Variants in TGFBI observed in about 807,000 individuals in gnomAD.
TGFBI encodes the protein transforming growth factor beta induced.
In TGFBI, 50 loss-of-function variants were observed where a neutral mutation model predicts 73.7. The ratio of observed to expected loss-of-function variants is 0.68; its 90% confidence interval spans 0.54 to 0.86. TGFBI has a LOEUF of 0.86. TGFBI is among the 40% of genes least tolerant of loss of function. The pLI is 0.00. For missense variants in TGFBI, 839 were observed against 877.0 expected (o/e 0.96, Z 0.55); for synonymous variants, 362 against 360.5 (o/e 1.00, Z -0.05).
At chr5:136,030,569 G>A (rs902614608) in intron 1 of TGFBI, among the ~76,000 whole-genome samples, 2 of 152,182 alleles carry the variant, frequency 1.3e-5, no homozygotes, top group African/African-American at 4.8e-5. Context: ...GGTCTTTCTG[G>A]AAGTGGGAGA....
rs75246520 is a variant in TGFBI, at chr5:136,047,012, T to A, written c.621T>A (p.Asn207Lys). Reference sequence around the variant, plus strand: ...ACATCCAGATCCACCACTATCCTAATGGGGTAGGGGATCCCCAGCCATACT... The same window carrying A: ...ACATCCAGATCCACCACTATCCTAAAGGGGTAGGGGATCCCCAGCCATACT... ...NSNIQIHHYPNGIVTVNCARL... is the reference protein window; with the variant it reads ...NSNIQIHHYPKGIVTVNCARL... Residue 207 changes from asparagine (N) to lysine (K), a missense_variant, in exon 5 of 17, where the codon AAT becomes AAA. Asn to Lys is a moderately conservative substitution (Grantham distance 94, BLOSUM62 0). Coordinates refer to ENST00000442011, the MANE Select transcript of TGFBI (RefSeq NM_000358.3). 6.2e-7 allele frequency: 1 copy of A among 1,611,408 alleles called. No individual in the cohort carries two copies. The highest frequency in any genetic ancestry group is 1.3e-5 in the African/African-American group (1 of 74,990).
intron 9 of TGFBI, among the ~76,000 whole-genome samples, chr5:136,054,421 G>C (rs1392656812): frequency 6.6e-6 from 1 of 152,200 alleles, no homozygotes; most frequent in Non-Finnish European, 1.5e-5. Context: ...CAAGAGGTCA[G>C]AGTGAGGGTA....
chr5:136,040,072 G>A (rs948934335), intron 2 of TGFBI, among the ~76,000 whole-genome samples: 2 of 152,152 alleles, frequency 1.3e-5, no homozygotes, highest in South Asian at 2.1e-4. Context: ...CAGAGCAGCC[G>A]GCCAAATCCG....
At chr5:136,057,877 A>C (rs948404667) in intron 12 of TGFBI, among the ~76,000 whole-genome samples, 1 of 152,158 alleles carries the variant, frequency 6.6e-6, no homozygotes, top group Non-Finnish European at 1.5e-5. Flanking sequence ...TTCTGAACAT[A>C]AACTTTTCAT....
Position 136,046,862 on chromosome 5 carries a change from C to A in TGFBI, c.471C>A (p.Asp157Glu), listed in dbSNP as rs558785543. ...GTCCTTCCTCCTAGGAAGTGCTGGA[C>A]TCCCTGGTCAGCAATGTCAACATTG... is the stretch of plus-strand genomic sequence containing the variant. ...AWASLPAEVL[D>E]SLVSNVNIEL... is the part of the protein sequence containing the mutation. Residue 157 changes from aspartate (D) to glutamate (E), a missense_variant, in exon 5 of 17, where the codon GAC becomes GAA. Asp to Glu is a conservative substitution (Grantham distance 45, BLOSUM62 2). Transcript: ENST00000442011. The A allele has an allele frequency of 1.9e-6, 3 of 1,613,338 alleles. No homozygotes were observed. Among genetic ancestry groups the A allele is most frequent in the Non-Finnish European group, 2.5e-6 (3 of 1,179,564 alleles).
At chr5:136,051,467 A>T (rs1341316593) in intron 7 of TGFBI, among the ~76,000 whole-genome samples, 1 of 152,098 alleles carries the variant, frequency 6.6e-6, no homozygotes, top group Non-Finnish European at 1.5e-5. Context: ...AAACAAAAAA[A>T]ACTCCTTATT....
At chr5:136,037,552 C>T (rs772472885) in intron 2 of TGFBI, among the ~76,000 whole-genome samples, 1 of 152,156 alleles carries the variant, frequency 6.6e-6, no homozygotes, top group African/African-American at 2.4e-5. Context: ...AGCAGGAGCT[C>T]AGACATCATA....
At chr5:136,029,952 T>C (rs1751087823) in intron 1 of TGFBI, among the ~76,000 whole-genome samples, 1 of 152,160 alleles carries the variant, frequency 6.6e-6, no homozygotes. Context: ...TTTGAGACCC[T>C]GAAGATGTGT....
chr5:136,058,970 C>G (rs906062595), intron 12 of TGFBI, 120 bp from the exon 13 acceptor site: 2 of 1,304,360 alleles, frequency 1.5e-6, no homozygotes, highest in African/African-American at 3.0e-5. Context: ...TGCTTATTCC[C>G]TGGGCAGGGA....
chr5:136,037,320 C>A (rs1324530959), intron 2 of TGFBI, among the ~76,000 whole-genome samples: 1 of 152,134 alleles, frequency 6.6e-6, no homozygotes, highest in African/African-American at 2.4e-5. Context: ...ACAAAGAGGG[C>A]TGTGGGGAGC....
intron 12 of TGFBI, among the ~76,000 whole-genome samples, chr5:136,058,524 C>A (rs781675107): frequency 6.6e-6 from 1 of 152,152 alleles, no homozygotes. Flanking sequence ...GAGGGAATAT[C>A]CCCCTCAGCC....
intron 9 of TGFBI, among the ~76,000 whole-genome samples, chr5:136,054,496 C>T (rs977476412): frequency 1.3e-5 from 2 of 152,200 alleles, no homozygotes; most frequent in Non-Finnish European, 2.9e-5. Context: ...CTGCCCTTCC[C>T]TCTTAGGGCA....
rs1407186477 is a variant in TGFBI at position 136,061,551 on chromosome 5, T to A, written c.1958T>A (p.Ile653Asn). ...GAACTTGCAGACTCTGCGCTTGAGA[T>A]CTTCAAACAAGCATCAGCGTTTTCC... ...GDELADSALE[I>N]FKQASAFSRA... Residue 653 changes from isoleucine (I) to asparagine (N), a missense_variant, in exon 15 of 17, where the codon ATC becomes AAC. Physicochemically the swap from Ile to Asn is moderately radical, Grantham distance 149. Transcript: ENST00000442011. The A allele has an allele frequency of 6.2e-7, 1 of 1,613,114 alleles. No homozygotes were observed. The highest frequency in any genetic ancestry group is 8.5e-7 in the Non-Finnish European group (1 of 1,179,624).
intron 1 of TGFBI, among the ~76,000 whole-genome samples, chr5:136,032,260 T>C (rs1329815134): frequency 1.3e-5 from 2 of 152,196 alleles, no homozygotes; most frequent in Non-Finnish European, 2.9e-5. Flanking sequence ...CTCTTGTCCC[T>C]AGATCCTTAC....
intron 2 of TGFBI, among the ~76,000 whole-genome samples, chr5:136,034,611 C>T (rs927885477): frequency 4.6e-5 from 7 of 151,722 alleles, no homozygotes; most frequent in Non-Finnish European, 1.0e-4. Flanking sequence ...GGGTGTGGAC[C>T]AGTGTGGTTA....
intron 11 of TGFBI, 45 bp downstream of exon 11, chr5:136,055,861 G>A (rs749057047): frequency 6.4e-7 from 1 of 1,552,152 alleles, no homozygotes; most frequent in Non-Finnish European, 8.8e-7. Context: ...CAGTGGTCAT[G>A]CTGGAGTGGG....
chr5:136,061,714 T>G, intron 15 of TGFBI, 135 bp downstream of exon 15: 1 of 737,458 alleles, frequency 1.4e-6, no homozygotes, highest in East Asian at 2.7e-5. Flanking sequence ...CCACTCCCAC[T>G]GAGGCATCCT....
At chr5:136,051,370 C>T (rs1751529436) in intron 7 of TGFBI, among the ~76,000 whole-genome samples, 1 of 151,842 alleles carries the variant, frequency 6.6e-6, no homozygotes, top group African/African-American at 2.4e-5. Flanking sequence ...GCAGAAGTTG[C>T]AATAAGCCCA....
rs770681287 is a variant in TGFBI, at chr5:136,055,693, A to G, written c.1424A>G (p.Glu475Gly). The G allele has an allele frequency of 4.4e-6, 7 of 1,606,122 alleles. No homozygotes were observed. The Admixed American group carries it at 1.2e-4, about 27-fold the overall frequency. ...VFVYRNSLCI[E>G]NSCIAAHDKR... Reference sequence around the variant, plus strand: ...TCTTCTGTGCAGAGCCTCTGCATTGAGAACAGCTGCATCGCGGCCCACGAC... The same window carrying G: ...TCTTCTGTGCAGAGCCTCTGCATTGGGAACAGCTGCATCGCGGCCCACGAC... The change falls in exon 11 of 17, where the codon GAG (glutamate) becomes GGG (glycine). Residue 475 changes from glutamate (E) to glycine (G), a missense_variant. Glu to Gly is a moderately conservative substitution (Grantham distance 98, BLOSUM62 -2). Coordinates refer to ENST00000442011, the MANE Select transcript of TGFBI (RefSeq NM_000358.3).
Sources: allele counts gnomAD v4.1 joint callset (sites outside exome capture counted in the v4.1 genomes callset), GRCh38; gene constraint gnomAD v4.1.1; transcripts MANE v1.5; gene names NCBI Gene and HGNC (gene_info 2026-07-23, HGNC 2026-07-21).